Variants in TMEM59 observed in about 807,000 individuals in gnomAD.
The protein encoded by TMEM59 is transmembrane protein 59.
In TMEM59, 44 loss-of-function variants were observed where a neutral mutation model predicts 42.2. That is an observed-to-expected ratio of 1.04 (90% CI 0.82 to 1.34). The LOEUF is 1.34. Ranked by LOEUF, TMEM59 falls within the 40% of genes most tolerant of loss-of-function variation. TMEM59 has a pLI of 0.00. For missense variants in TMEM59, 359 were observed against 382.8 expected (o/e 0.94, Z 0.52); for synonymous variants, 148 against 145.8 (o/e 1.02, Z -0.11).
At chr1:54,038,729 T>G (rs1302745597) in intron 6 of TMEM59, among the ~76,000 whole-genome samples, 5 of 152,224 alleles carry the variant, frequency 3.3e-5, no homozygotes, top group African/African-American at 9.6e-5. Flanking sequence ...ACATAGTGAC[T>G]GTATAACCTT....
At chr1:54,045,138 G>A (rs1657286352) in intron 3 of TMEM59, among the ~76,000 whole-genome samples, 1 of 152,142 alleles carries the variant, frequency 6.6e-6, no homozygotes, top group African/African-American at 2.4e-5. Context: ...TGGCATTGGA[G>A]CAGTAATCAG....
intron 2 of TMEM59, among the ~76,000 whole-genome samples, chr1:54,046,726 A>AAAT (rs1367947850): frequency 1.3e-5 from 2 of 152,258 alleles, no homozygotes; most frequent in Non-Finnish European, 2.9e-5. Context: ...TAGTTATTTA[A>AAAT]AAAGTTAAAC....
Position 54,032,106 on chromosome 1 carries a change from G to A in TMEM59, c.*44C>T, listed in dbSNP as rs1161878228. 1.3e-6 allele frequency: 2 copies of A among 1,542,658 alleles called. No individual in the cohort carries two copies. The highest frequency in any genetic ancestry group is 1.4e-5 in the African/African-American group (1 of 72,760). On this transcript the variant is annotated 3_prime_UTR_variant, in exon 8 of 8. Transcript: ENST00000234831. Reference sequence around the variant, plus strand: ...CATTTTAAAAGCTCTATGAGGAGTGGAATTTTAGATGTCTATTACACTTGT... The same window carrying A: ...CATTTTAAAAGCTCTATGAGGAGTGAAATTTTAGATGTCTATTACACTTGT...
chr1:54,041,728 C>T lies in TMEM59; in HGVS notation c.621G>A (p.Met207Ile), dbSNP rs921378822. ...GCTACTTAAAATAAAACTTACAGGA[C>T]ATTTTGCTTAGAGATGATTCTCTCA... ...TNLRESSLSK[M>I]SYLQMRNSQA... Residue 207 changes from methionine to isoleucine, a missense_variant, in exon 5 of 8, where the codon ATG (methionine) becomes ATA (isoleucine). Met to Ile is a conservative substitution (Grantham distance 10, BLOSUM62 1). Coordinates refer to ENST00000234831, the MANE Select transcript of TMEM59 (RefSeq NM_004872.5). The T allele has an allele frequency of 1.2e-6, 2 of 1,612,728 alleles. No individual in the cohort carries two copies. The highest frequency in any genetic ancestry group is 1.7e-6 in the Non-Finnish European group (2 of 1,179,102).
chr1:54,047,536 C>A, intron 1 of TMEM59, 164 bp from the exon 2 acceptor site: 2 of 604,734 alleles, frequency 3.3e-6, no homozygotes, highest in Non-Finnish European at 2.9e-6. Flanking sequence ...TACTCAAGAC[C>A]TTTGCCATAT....
At chr1:54,042,759 T>C (rs1471924165) in intron 4 of TMEM59, among the ~76,000 whole-genome samples, 1 of 152,202 alleles carries the variant, frequency 6.6e-6, no homozygotes, top group Non-Finnish European at 1.5e-5. Context: ...TGTTACTTAT[T>C]GGCCGTGAAA....
rs1326790928 is a variant in TMEM59, at chr1:54,028,669, G to A, written c.*3481C>T. ...GTGTTTGGCGTTCCCTTTTTCTCCA[G>A]GTTTAAGCTTGGCTATCACTTTCTC... On this transcript the variant is annotated 3_prime_UTR_variant, in exon 8 of 8. Transcript: ENST00000234831. 1 of 152,398 alleles carries A rather than the reference G, an allele frequency of 6.6e-6. No individual in the cohort carries two copies. Among genetic ancestry groups the A allele is most frequent in the African/African-American group, 2.4e-5 (1 of 41,392 alleles). The allele number at this position is 152,398 out of a possible 1,614,324, so 9.4% of individuals were successfully genotyped here.
At chr1:54,038,885 T>A (rs149064033) in intron 6 of TMEM59, among the ~76,000 whole-genome samples, 1 of 152,350 alleles carries the variant, frequency 6.6e-6, no homozygotes, top group African/African-American at 2.4e-5. Flanking sequence ...TCTCGCTTTG[T>A]CACTCAGGCA....
At chr1:54,047,429 G>A (rs1053885419) in intron 1 of TMEM59, 57 bp from the exon 2 acceptor site, 8 of 1,388,984 alleles carry the variant, frequency 5.8e-6, no homozygotes, top group Admixed American at 1.9e-5. Context: ...TTTTCCTCAG[G>A]GGAAAACAGG....
At chr1:54,043,803 G>T (rs1657227288) in intron 3 of TMEM59, 1 of 159,090 alleles carries the variant, frequency 6.3e-6, no homozygotes, top group Non-Finnish European at 1.4e-5. Context: ...CCAAAAATAA[G>T]AAGACTCTTA....
rs1461434429 is a variant in TMEM59, at chr1:54,026,683, A to C, written c.*5467T>G. The C allele has an allele frequency of 6.6e-6, 1 of 152,242 alleles. No homozygotes were observed. Among genetic ancestry groups the C allele is most frequent in the Non-Finnish European group, 1.5e-5 (1 of 68,040 alleles). The allele number at this position is 152,242 out of a possible 1,614,324, so 9.4% of individuals were successfully genotyped here. Reference sequence around the variant, plus strand: ...GTAGACACTTTTACAAGATAGCATTATTTTTTAATGCAGATGATCCAAGTT... The same window carrying C: ...GTAGACACTTTTACAAGATAGCATTCTTTTTTAATGCAGATGATCCAAGTT... On this transcript the variant is annotated 3_prime_UTR_variant, in exon 8 of 8. Coordinates refer to ENST00000234831, the MANE Select transcript of TMEM59 (RefSeq NM_004872.5).
At chr1:54,050,135 T>C (rs200026567) in intron 1 of TMEM59, among the ~76,000 whole-genome samples, 1 of 151,496 alleles carries the variant, frequency 6.6e-6, no homozygotes, top group Non-Finnish European at 1.5e-5. Flanking sequence ...TTTTTTTTTT[T>C]CTTTTTTTGA....
At chr1:54,040,644 A>C (rs1657107443) in intron 6 of TMEM59, 112 bp downstream of exon 6, 1 of 778,546 alleles carries the variant, frequency 1.3e-6, no homozygotes, top group Non-Finnish European at 2.1e-6. Flanking sequence ...GAAAGGAACA[A>C]GTAAAAAGGT....
intron 1 of TMEM59, 87 bp from the exon 2 acceptor site, chr1:54,047,459 T>C (rs41296145): frequency 0.033 from 33,810 of 1,031,432 alleles, 685 homozygotes; most frequent in Non-Finnish European, 0.036. Flanking sequence ...AAGCAGTTAG[T>C]AAAGTTTATT....
intron 6 of TMEM59, among the ~76,000 whole-genome samples, chr1:54,038,835 A>G (rs889886089): frequency 3.9e-5 from 6 of 151,960 alleles, no homozygotes; most frequent in Non-Finnish European, 7.4e-5. Context: ...AAAAGCATTT[A>G]AAAAAAGAAC....
chr1:54,053,144 C>G lies in TMEM59; in HGVS notation c.45G>C (p.Gly15=). ...TGGTCAGCAGCAGCAGCGGCGGGAGCCCCAGTTGGGTCCTCACCCAGAGGC... is the reference window on the plus strand; with the variant it reads ...TGGTCAGCAGCAGCAGCGGCGGGAGGCCCAGTTGGGTCCTCACCCAGAGGC... ...KGSLWVRTQL[G]LPPLLLLTMA... is the part of the protein sequence containing the mutation. Residue 15 remains glycine (G), a synonymous_variant, in exon 1 of 8, where the codon GGG becomes GGC. Coordinates refer to ENST00000234831, the MANE Select transcript of TMEM59 (RefSeq NM_004872.5). The G allele has an allele frequency of 1.9e-6, 3 of 1,614,242 alleles. No homozygotes were observed. Among genetic ancestry groups the G allele is most frequent in the East Asian group, 2.2e-5 (1 of 44,888 alleles).
rs1485685940 is a variant in TMEM59, at chr1:54,030,570, G to A, written c.*1580C>T. On this transcript the variant is annotated 3_prime_UTR_variant, in exon 8 of 8. Transcript: ENST00000234831. The stretch of plus-strand genomic sequence containing the variant: ...GGCCTCCCAAAGTGCTGGGATTACA[G>A]GCGTGAGCCACTGTGCCTGGCTGAG... 4 of 152,374 alleles carry A rather than the reference G, an allele frequency of 2.6e-5. No individual in the cohort carries two copies. The highest frequency in any genetic ancestry group is 7.2e-5 in the African/African-American group (3 of 41,546). 9.4% of individuals were successfully genotyped at this position (152,374 alleles called of 1,614,324 possible).
intron 1 of TMEM59, 73 bp from the exon 2 acceptor site, chr1:54,047,445 A>G: frequency 1.6e-6 from 2 of 1,220,490 alleles, no homozygotes; most frequent in South Asian, 2.7e-5. Context: ...ACAGGTTAGG[A>G]AGAAAGCAGT....
Position 54,053,199 on chromosome 1 carries a change from T to A in TMEM59, c.-11A>T. 6.2e-7 allele frequency: 1 copy of A among 1,613,698 alleles called. No homozygotes were observed. The highest frequency in any genetic ancestry group is 1.1e-5 in the South Asian group (1 of 91,034). On this transcript the variant is annotated 5_prime_UTR_variant, in exon 1 of 8. Coordinates refer to ENST00000234831, the MANE Select transcript of TMEM59 (RefSeq NM_004872.5). ...CTTCGGCGCCGCCATCTTGTTCCCC[T>A]CTGTCACAGCAGCTCAGCTTGTTGC...
Sources: allele counts gnomAD v4.1 joint callset (sites outside exome capture counted in the v4.1 genomes callset), GRCh38; gene constraint gnomAD v4.1.1; transcripts MANE v1.5; gene names NCBI Gene and HGNC (gene_info 2026-07-23, HGNC 2026-07-21).